Variants in SLC30A10 observed in about 807,000 individuals in gnomAD.
The protein encoded by SLC30A10 is solute carrier family 30 member 10.
In SLC30A10, 8 loss-of-function variants were observed where a neutral mutation model predicts 21.7. The ratio of observed to expected loss-of-function variants is 0.37; its 90% confidence interval spans 0.22 to 0.67. The LOEUF is 0.67. Among genes scored for constraint, SLC30A10 ranks in the 30% least tolerant of loss-of-function variants. The pLI, the probability that SLC30A10 is intolerant of heterozygous loss-of-function variation, is 0.58. For missense variants in SLC30A10, 521 were observed against 642.5 expected (o/e 0.81, Z 2.04); for synonymous variants, 272 against 279.4 (o/e 0.97, Z 0.26).
intron 1 of SLC30A10, among the ~76,000 whole-genome samples, chr1:219,954,623 T>C (rs1428689282): frequency 7.6e-6 from 1 of 131,202 alleles, no homozygotes; most frequent in Non-Finnish European, 1.5e-5. Flanking sequence ...GAGGTTGCAG[T>C]GAGCCAAAGA....
At position 219,912,854 on chromosome 1, in the gene SLC30A10, C is replaced by CA. The variant is rs5781151; in HGVS notation, c.*2594dup. Reference sequence around the variant, plus strand: ...GTCTCAAAGAAACAAACAAACAAACCAAAAAAAAATTATGTCAGTTCTTTA... The same window carrying CA: ...GTCTCAAAGAAACAAACAAACAAACCAAAAAAAAAATTATGTCAGTTCTTTA... On this transcript the variant is annotated 3_prime_UTR_variant, in exon 4 of 4. Transcript: ENST00000366926. 0.76 allele frequency among the ~76,000 whole-genome samples: 115,175 copies of CA among 150,918 alleles called. 44,151 individuals are homozygous for CA. Among genetic ancestry groups the CA allele is most frequent in the East Asian group, 0.87 (4,445 of 5,122 alleles).
rs1659471815 is a variant in SLC30A10 at position 219,913,916 on chromosome 1, C to G, written c.*1533G>C. On this transcript the variant is annotated 3_prime_UTR_variant, in exon 4 of 4. Transcript: ENST00000366926. Reference sequence around the variant, plus strand: ...GCAACATAGCGAGACCCTGTCTCTACAAAAAAAGAAAAAAATAATAATTTC... The same window carrying G: ...GCAACATAGCGAGACCCTGTCTCTAGAAAAAAAGAAAAAAATAATAATTTC... The G allele has an allele frequency of 1.3e-5, 2 of 151,350 alleles. No homozygotes were observed. Among genetic ancestry groups the G allele is most frequent in the Admixed American group, 6.6e-5 (1 of 15,218 alleles). 9.4% of individuals were successfully genotyped at this position (151,350 alleles called of 1,614,324 possible).
chr1:219,932,700 C>A (rs549445531), upstream of SLC30A10, among the ~76,000 whole-genome samples: 143 of 136,094 alleles, frequency 1.1e-3, no homozygotes, highest in Non-Finnish European at 1.8e-3. Context: ...ACTTGAGTAA[C>A]CATTCTTTTT....
At chr1:219,931,428 T>TAC (rs10643455), upstream of SLC30A10, among the ~76,000 whole-genome samples, 116,981 of 150,990 alleles carry the variant, frequency 0.77, 45,425 homozygotes, top group East Asian at 0.87. Flanking sequence ...GTACTAAAAC[T>TAC]ACACACACAC....
At chr1:219,941,368 G>A (rs1414071727) in intron 1 of SLC30A10, among the ~76,000 whole-genome samples, 1 of 152,180 alleles carries the variant, frequency 6.6e-6, no homozygotes, top group East Asian at 1.9e-4. Flanking sequence ...GGATTCACAG[G>A]TCTAAGCAGT....
At chr1:219,935,813 TC>T (rs1252786214) in intron 1 of SLC30A10, among the ~76,000 whole-genome samples, 2 of 152,190 alleles carry the variant, frequency 1.3e-5, no homozygotes, top group African/African-American at 4.8e-5. Context: ...ATCATGTATG[TC>T]CCCTTAATCC....
chr1:219,944,914 C>A (rs186888756), intron 1 of SLC30A10, among the ~76,000 whole-genome samples: 50 of 152,278 alleles, frequency 3.3e-4, no homozygotes, highest in Admixed American at 5.2e-4. Flanking sequence ...TCTAAACACA[C>A]CACTTAAAAG....
chr1:219,941,191 T>C (rs1350057511), intron 1 of SLC30A10, among the ~76,000 whole-genome samples: 4 of 152,216 alleles, frequency 2.6e-5, no homozygotes, highest in African/African-American at 9.6e-5. Flanking sequence ...TTCAGTTGAA[T>C]GATATGCTTG....
intron 1 of SLC30A10, among the ~76,000 whole-genome samples, chr1:219,945,406 T>G (rs2102544438): frequency 6.6e-6 from 1 of 152,274 alleles, no homozygotes; most frequent in African/African-American, 2.4e-5. Context: ...TGTAACTTAC[T>G]GAGAATATAA....
In SLC30A10 at chr1:219,918,439, C is replaced by T. The variant is rs530548090; in HGVS notation, c.774G>A (p.Thr258=). The T allele has an allele frequency of 4.4e-5, 71 of 1,613,568 alleles. 2 individuals are homozygous for T. In the South Asian group the frequency reaches 7.2e-4, roughly 16 times the overall value. Residue 258 remains threonine (T), a synonymous_variant, in exon 3 of 4, where the codon ACG becomes ACA. Coordinates refer to ENST00000366926, the MANE Select transcript of SLC30A10 (RefSeq NM_018713.3). This position sits in a 1 kb window ranked among gnomAD's most constrained non-coding sequence, Gnocchi z 4.4. ...DALGSVVVVI[T]AIIFYVLPLK... ...GGGGAAGCACATAGAATATGATGGC[C>T]GTGATGACCACAACCACGGACCCCA... is the stretch of plus-strand genomic sequence containing the variant.
intron 1 of SLC30A10, among the ~76,000 whole-genome samples, chr1:219,957,821 A>G (rs940404378): frequency 6.6e-6 from 1 of 152,214 alleles, no homozygotes; most frequent in Non-Finnish European, 1.5e-5. Flanking sequence ...CATCTTAAAA[A>G]AAAAGCATCT....
At chr1:219,957,911 G>A (rs1000792714) in intron 1 of SLC30A10, among the ~76,000 whole-genome samples, 74 of 152,196 alleles carry the variant, frequency 4.9e-4, no homozygotes, top group African/African-American at 1.5e-3. Flanking sequence ...TCACACTTAA[G>A]TCTCTCCTAA....
At chr1:219,935,841 TA>T (rs1660038796) in intron 1 of SLC30A10, among the ~76,000 whole-genome samples, 1 of 152,200 alleles carries the variant, frequency 6.6e-6, no homozygotes, top group Admixed American at 6.5e-5. Flanking sequence ...TCTACTTAGC[TA>T]ATTATCTTAA....
chr1:219,917,119 C>T (rs1017851600), intron 3 of SLC30A10, among the ~76,000 whole-genome samples: 1 of 151,298 alleles, frequency 6.6e-6, no homozygotes, highest in Non-Finnish European at 1.5e-5. Context: ...CACAGGCACA[C>T]ACTACAACCT....
intron 1 of SLC30A10, among the ~76,000 whole-genome samples, chr1:219,948,616 A>G (rs1279033115): frequency 2.0e-5 from 3 of 152,202 alleles, no homozygotes; most frequent in Non-Finnish European, 4.4e-5. Context: ...TTAATTCAAG[A>G]TGGATTAAAG....
At chr1:219,948,820 C>T (rs1451251858) in intron 1 of SLC30A10, among the ~76,000 whole-genome samples, 3 of 152,146 alleles carry the variant, frequency 2.0e-5, no homozygotes, top group Non-Finnish European at 4.4e-5. Context: ...TCAGAGTGAA[C>T]AGGCAACCTA....
chr1:219,914,347 A>C lies in SLC30A10; in HGVS notation c.*1102T>G, dbSNP rs1280765491. On this transcript the variant is annotated 3_prime_UTR_variant, in exon 4 of 4. Transcript: ENST00000366926. ...GATCAGCGACATGAAAGAAAATTTT[A>C]AGTTCCTCAAAAACACATTAAAGGC... is the stretch of plus-strand genomic sequence containing the variant. The C allele has an allele frequency of 6.6e-6, 1 of 152,236 alleles. No individual in the cohort carries two copies. The highest frequency in any genetic ancestry group is 1.5e-5 in the Non-Finnish European group (1 of 68,038). The allele number at this position is 152,236 out of a possible 1,614,324, so 9.4% of individuals were successfully genotyped here.
At position 219,911,264 on chromosome 1, in the gene SLC30A10, G is replaced by C. The variant is rs1414203767; in HGVS notation, c.*4185C>G. ...GTATTTTGCTCTCTTGAAGAAAATA[G>C]ATATGATTTGGCAAAGGATAAAATT... On this transcript the variant is annotated 3_prime_UTR_variant, in exon 4 of 4. Coordinates refer to ENST00000366926, the MANE Select transcript of SLC30A10 (RefSeq NM_018713.3). Among the ~76,000 whole-genome samples the C allele has an allele frequency of 1.4e-5, 2 of 144,870 alleles. No individual in the cohort carries two copies. The highest frequency in any genetic ancestry group is 2.5e-5 in the African/African-American group (1 of 39,260).
intron 2 of SLC30A10, among the ~76,000 whole-genome samples, chr1:219,922,807 C>A (rs151078203): frequency 1.2e-4 from 18 of 152,286 alleles, no homozygotes; most frequent in Non-Finnish European, 4.4e-5. Flanking sequence ...TCTAACCACC[C>A]ATGTGATCCG....
Sources: allele counts gnomAD v4.1 joint callset (sites outside exome capture counted in the v4.1 genomes callset), GRCh38; gene constraint gnomAD v4.1.1; non-coding constraint Gnocchi (gnomAD v3.1); transcripts MANE v1.5; gene names NCBI Gene and HGNC (gene_info 2026-07-23, HGNC 2026-07-21).